The following MYO7B variants were observed in gnomAD, a reference collection of about 807,000 sequenced individuals.
MYO7B encodes the protein myosin VIIB, also known as unconventional myosin-VIIb.
In MYO7B, 212 loss-of-function variants were observed where a neutral mutation model predicts 259.7. That is an observed-to-expected ratio of 0.82 (90% CI 0.73 to 0.91). The LOEUF (loss-of-function observed/expected upper bound fraction) is 0.91. MYO7B is among the 40% of genes least tolerant of loss of function. The pLI, the probability that MYO7B is intolerant of heterozygous loss-of-function variation, is 0.00. For missense variants in MYO7B, 2,732 were observed against 2,813.5 expected (o/e 0.97, Z 0.66); for synonymous variants, 1,197 against 1,166.4 (o/e 1.03, Z -0.54).
rs759389851 is a variant in MYO7B at position 127,609,523 on chromosome 2, C to G, written c.2832C>G (p.Thr944=). The part of the protein sequence containing the change: ...SPHFEDLESK[T]QKLLEVDLDT... ...GGCCGTAGGATCTGGAATCGAAGACCCAGAAGCTGCTTGAGGTTGACCTGG... is the reference window on the plus strand; with the variant it reads ...GGCCGTAGGATCTGGAATCGAAGACGCAGAAGCTGCTTGAGGTTGACCTGG... Residue 944 remains threonine, a synonymous_variant, in exon 23 of 48, where the codon ACC becomes ACG. Coordinates refer to ENST00000409816, the MANE Select transcript of MYO7B (RefSeq NM_001393586.1). This position sits in a 1 kb window ranked among gnomAD's most constrained non-coding sequence, Gnocchi z 6.9. The G allele has an allele frequency of 8.1e-6, 13 of 1,612,968 alleles. 1 individual carries two copies. The highest frequency in any genetic ancestry group is 1.0e-5 in the Non-Finnish European group (12 of 1,179,476).
rs758301128 is a variant in MYO7B at position 127,574,057 on chromosome 2, C to T, written c.730C>T (p.Arg244Trp). 29 of 1,613,794 alleles carry T rather than the reference C, an allele frequency of 1.8e-5. No homozygotes were observed. Among genetic ancestry groups the T allele is most frequent in the Middle Eastern group, 3.3e-4 (2 of 6,080 alleles). Residue 244 changes from arginine to tryptophan, a missense_variant, in exon 7 of 48, where the codon CGG becomes TGG. Coordinates refer to ENST00000409816, the MANE Select transcript of MYO7B (RefSeq NM_001393586.1). ...TCTCCTGGAGAAGTCCCGGGTCTGCCGGCAGGTGAGGCCTCCCCCTTCCCA... is the reference window on the plus strand; with the variant it reads ...TCTCCTGGAGAAGTCCCGGGTCTGCTGGCAGGTGAGGCCTCCCCCTTCCCA... The part of the protein sequence containing the change: ...QFLLEKSRVC[R>W]QAPEERNYHI...
intron 1 of MYO7B, among the ~76,000 whole-genome samples, chr2:127,553,008 C>T (rs182144541): frequency 1.4e-4 from 22 of 152,320 alleles, no homozygotes; most frequent in African/African-American, 4.3e-4. Flanking sequence ...TCTCAGTTTT[C>T]TCACCTGTAA....
chr2:127,582,702 T>C (rs11687921), intron 12 of MYO7B, among the ~76,000 whole-genome samples: 4,211 of 151,646 alleles, frequency 0.028, 81 homozygotes, highest in Non-Finnish European at 0.045. Flanking sequence ...GCTGTCCTCA[T>C]GAGCCAGAGT....
chr2:127,580,968 A>C, intron 10 of MYO7B, 146 bp downstream of exon 10: 1 of 804,250 alleles, frequency 1.2e-6, no homozygotes, highest in Non-Finnish European at 2.0e-6. Flanking sequence ...CCTTCTGTAT[A>C]CTGCAGGTGC....
chr2:127,618,883 A>G (rs1240258761), intron 26 of MYO7B, among the ~76,000 whole-genome samples: 2 of 152,216 alleles, frequency 1.3e-5, no homozygotes, highest in African/African-American at 4.8e-5. Context: ...ACAGAGATCC[A>G]GAGAGAGCTG....
At position 127,622,052 on chromosome 2, in the gene MYO7B, C is replaced by T. The variant is rs1469901507; in HGVS notation, c.3596C>T (p.Thr1199Ile). 8 of 1,551,728 alleles carry T rather than the reference C, an allele frequency of 5.2e-6. No homozygotes were observed. Among genetic ancestry groups the T allele is most frequent in the Non-Finnish European group, 6.1e-6 (7 of 1,146,992 alleles). The change falls in exon 28 of 48, where the codon ACC becomes ATC. Residue 1199 changes from threonine (T) to isoleucine (I), a missense_variant. By Grantham distance (89) the Thr-to-Ile change is moderately conservative. Around this residue, in one of 3 missense-constraint regions of MYO7B, gnomAD observed 1,906 missense variants for 2,026.4 expected, o/e 0.94. Coordinates refer to ENST00000409816, the MANE Select transcript of MYO7B (RefSeq NM_001393586.1). ...GPFCAERLRRTYANGVRAEPP... is the reference protein window; with the variant it reads ...GPFCAERLRRIYANGVRAEPP... ...TTCTGTGCCGAGCGCCTGAGACGCA[C>T]CTATGCCAATGGGGTGCGTGCGGAG...
At chr2:127,580,964 G>A in intron 10 of MYO7B, 142 bp downstream of exon 10, 1 of 821,748 alleles carries the variant, frequency 1.2e-6, no homozygotes, top group Non-Finnish European at 1.9e-6. Context: ...CCTCCCTTCT[G>A]TATACTGCAG....
intron 1 of MYO7B, among the ~76,000 whole-genome samples, chr2:127,545,990 G>A (rs1360515920): frequency 1.3e-5 from 2 of 152,236 alleles, no homozygotes; most frequent in African/African-American, 4.8e-5. Flanking sequence ...CCTCCTTTGG[G>A]TGGTGGCCCT....
chr2:127,598,175 A>G (rs1186803727), intron 19 of MYO7B, among the ~76,000 whole-genome samples: 1 of 152,214 alleles, frequency 6.6e-6, no homozygotes, highest in South Asian at 2.1e-4. Flanking sequence ...TTGTTTTTTA[A>G]GAAACTGCCA....
intron 6 of MYO7B, among the ~76,000 whole-genome samples, chr2:127,571,140 A>C (rs1243838074): frequency 6.6e-6 from 1 of 152,180 alleles, no homozygotes; most frequent in Non-Finnish European, 1.5e-5. Context: ...GAGCCATTTC[A>C]CTTTGTCAGA....
intron 15 of MYO7B, 101 bp from the exon 16 acceptor site, chr2:127,589,991 C>T (rs573999993): frequency 7.4e-7 from 1 of 1,351,988 alleles, no homozygotes; most frequent in African/African-American, 1.5e-5. Flanking sequence ...TGCACCACCC[C>T]ACCTGTGGGG....
chr2:127,605,165 G>A (rs913217285), intron 19 of MYO7B, among the ~76,000 whole-genome samples: 3 of 152,350 alleles, frequency 2.0e-5, no homozygotes, highest in Admixed American at 1.3e-4. Context: ...CAGCTTTCAG[G>A]TTTTCTTCTC....
Position 127,633,153 on chromosome 2 carries a change from GTTTTC to G in MYO7B, c.5406-100_5406-96del, listed in dbSNP as rs1278297036. The G allele has an allele frequency of 1.1e-5, 10 of 878,328 alleles. 1 individual carries two copies. Among genetic ancestry groups the G allele is most frequent in the African/African-American group, 1.0e-4 (6 of 59,360 alleles). The allele number at this position is 878,328 out of a possible 1,614,324, so 54.4% of individuals were successfully genotyped here. ...AACCACCCCAGTGATGGTCACTGGG[GTTTTC>G]TTTTGTTTCTGGCACATGGTTTAGG... On this transcript the variant is annotated intron_variant, in intron 39 of 47. Transcript: ENST00000409816.
Position 127,606,679 on chromosome 2 carries a change from G to A in MYO7B, c.2425-527G>A, listed in dbSNP as rs150696778. On this transcript the variant is annotated intron_variant, in intron 20 of 47. Transcript: ENST00000409816. Reference sequence around the variant, plus strand: ...GACTTCCAAGCTCTTAAGCCAACCCGTTGGGCAGGTCTTTAGGAAGCCCAG... The same window carrying A: ...GACTTCCAAGCTCTTAAGCCAACCCATTGGGCAGGTCTTTAGGAAGCCCAG... Among the ~76,000 whole-genome samples, 783 of 152,328 alleles carry A rather than the reference G, an allele frequency of 5.1e-3. 6 individuals carry two copies. The highest frequency in any genetic ancestry group is 0.018 in the African/African-American group (736 of 41,566).
chr2:127,637,299 C>A lies in MYO7B; in HGVS notation c.6328-17C>A. The A allele has an allele frequency of 6.7e-7, 1 of 1,492,160 alleles. No homozygotes were observed. The highest frequency in any genetic ancestry group is 2.4e-5 in the East Asian group (1 of 41,226). 92.4% of individuals were successfully genotyped at this position (1,492,160 alleles called of 1,614,324 possible). A position where few individuals can be genotyped will look rare whatever the true frequency, so the allele number is the denominator to read the frequency against. On this transcript the variant is annotated splice_polypyrimidine_tract_variant and intron_variant, in intron 47 of 47. Transcript: ENST00000409816. ...CCTCTGCACCCACAGCCTCTGACCC[C>A]CCCGTCCCCTGTCCAGGGCTATAAG...
At chr2:127,626,671 C>G (rs1486824186) in intron 31 of MYO7B, 1 of 272,136 alleles carries the variant, frequency 3.7e-6, no homozygotes, top group African/African-American at 2.3e-5. Context: ...CCCAGCTACT[C>G]GGGAGGCTGA....
intron 14 of MYO7B, 58 bp from the exon 15 acceptor site, chr2:127,588,334 C>T: frequency 1.3e-6 from 2 of 1,584,198 alleles, no homozygotes; most frequent in Non-Finnish European, 1.7e-6. Context: ...CTCTTCTTCC[C>T]CATGGGTGGG....
At chr2:127,571,849 A>G (rs890727819) in intron 6 of MYO7B, among the ~76,000 whole-genome samples, 1 of 152,128 alleles carries the variant, frequency 6.6e-6, no homozygotes, top group African/African-American at 2.4e-5. Context: ...GTTACATCTT[A>G]TATTGTGTCC....
chr2:127,557,814 C>T (rs531162899), intron 1 of MYO7B, among the ~76,000 whole-genome samples: 2 of 152,254 alleles, frequency 1.3e-5, no homozygotes, highest in African/African-American at 2.4e-5. Flanking sequence ...AAACTGAATC[C>T]TCATCTCTCA....
Sources: gnomAD v4.1 joint callset for allele counts (sites outside exome capture counted in the v4.1 genomes callset) on GRCh38, gnomAD v4.1.1 for gene constraint, gnomAD v4.1.1 regional missense constraint, Gnocchi (gnomAD v3.1) non-coding constraint, MANE v1.5 for transcripts, NCBI Gene and HGNC (gene_info 2026-07-23, HGNC 2026-07-21) for gene names.